APBB2: variants seen among roughly 807,000 people sequenced by gnomAD.
APBB2 encodes Fe65-like 1.
APBB2 carries 38 observed loss-of-function variants against 82.5 expected under a neutral mutation model. The observed-to-expected ratio is 0.46, with a 90% CI of 0.36 to 0.60. The LOEUF is 0.60. APBB2 is among the 20% of genes least tolerant of loss of function. The pLI, the probability that APBB2 is intolerant of heterozygous loss-of-function variation, is 0.00. For missense variants in APBB2, 772 were observed against 972.3 expected (o/e 0.79, Z 2.74); for synonymous variants, 341 against 368.2 (o/e 0.93, Z 0.85).
At chr4:41,071,729 T>C (rs368869221) in intron 3 of APBB2, among the ~76,000 whole-genome samples, 58 of 152,188 alleles carry the variant, frequency 3.8e-4, no homozygotes, top group African/African-American at 1.3e-3. Flanking sequence ...GAATAAGACA[T>C]TGAGAATGAT....
chr4:40,842,383 C>T (rs779559083), intron 12 of APBB2: 5 of 455,436 alleles, frequency 1.1e-5, no homozygotes, highest in Middle Eastern at 3.2e-4. Flanking sequence ...TCTCTGAATC[C>T]GGGAAGGCGT....
At chr4:40,836,431 T>A (rs1753967114) in intron 12 of APBB2, among the ~76,000 whole-genome samples, 2 of 152,144 alleles carry the variant, frequency 1.3e-5, no homozygotes, top group Non-Finnish European at 2.9e-5. Context: ...AGGCTGAGAT[T>A]CCACCACTGC....
chr4:41,197,115 A>T, intron 1 of APBB2, among the ~76,000 whole-genome samples: 2 of 152,002 alleles, frequency 1.3e-5, no homozygotes, highest in African/African-American at 4.8e-5. Flanking sequence ...ATGCCGGTTT[A>T]TTTTTTTTAT....
At chr4:41,166,588 G>GA (rs1271987932) in intron 1 of APBB2, among the ~76,000 whole-genome samples, 2 of 146,720 alleles carry the variant, frequency 1.4e-5, no homozygotes, top group South Asian at 2.1e-4. Context: ...AAAAAAAAAA[G>GA]AAAGAAAAGA....
intron 4 of APBB2, among the ~76,000 whole-genome samples, chr4:41,050,482 T>G (rs1725534928): frequency 6.6e-6 from 1 of 152,036 alleles, no homozygotes; most frequent in South Asian, 2.1e-4. Context: ...TTCCAGAGGG[T>G]TTTAAGGGGT....
chr4:40,884,306 T>G (rs948245480), intron 12 of APBB2, among the ~76,000 whole-genome samples: 1 of 152,216 alleles, frequency 6.6e-6, no homozygotes, highest in African/African-American at 2.4e-5. Flanking sequence ...ACCTTTTAAA[T>G]CTAAAAACCT....
intron 1 of APBB2, among the ~76,000 whole-genome samples, chr4:41,187,470 T>C (rs779636803): frequency 2.0e-5 from 3 of 152,174 alleles, no homozygotes; most frequent in Non-Finnish European, 4.4e-5. Flanking sequence ...AGATAGGAGA[T>C]AAATGAATTT....
Position 40,827,179 on chromosome 4 carries a change from C to G in APBB2, c.1685G>C (p.Ser562Thr). Residue 562 changes from serine to threonine, a missense_variant, in exon 14 of 18, where the codon AGC becomes ACC. Ser to Thr is a moderately conservative substitution (Grantham distance 58, BLOSUM62 1). Transcript: ENST00000508593. Reference protein sequence around the residue: ...ERKNAKALACSSLQERANVNL... With the variant: ...ERKNAKALACTSLQERANVNL... The stretch of plus-strand genomic sequence containing the variant: ...CACATTGGCCCTTTCCTGTAAGGAG[C>G]TGCAGGCCAGCGCTTTGGCATTCTT... 1 of 1,614,206 alleles carries G rather than the reference C, an allele frequency of 6.2e-7. No homozygotes were observed. The highest frequency in any genetic ancestry group is 8.5e-7 in the Non-Finnish European group (1 of 1,180,030).
At chr4:40,910,822 C>T (rs1778339452) in intron 10 of APBB2, among the ~76,000 whole-genome samples, 1 of 152,274 alleles carries the variant, frequency 6.6e-6, no homozygotes, top group South Asian at 2.1e-4. Context: ...CATTCATCGT[C>T]CTTAGTTTCC....
chr4:41,012,218 A>T (rs16852691), intron 6 of APBB2, among the ~76,000 whole-genome samples: 3,386 of 152,300 alleles, frequency 0.022, 130 homozygotes, highest in African/African-American at 0.078. Flanking sequence ...AGAGCAGCAG[A>T]AAGGGTGCCA....
At chr4:41,196,408 C>T in intron 1 of APBB2, among the ~76,000 whole-genome samples, 1 of 152,120 alleles carries the variant, frequency 6.6e-6, no homozygotes, top group Non-Finnish European at 1.5e-5. Flanking sequence ...ACATAGGTAA[C>T]CTTTGCCCAG....
At chr4:41,094,660 G>A (rs1247591167) in intron 3 of APBB2, among the ~76,000 whole-genome samples, 3 of 152,184 alleles carry the variant, frequency 2.0e-5, no homozygotes, top group Non-Finnish European at 2.9e-5. Flanking sequence ...TGTCTCCCGG[G>A]TTCAAGCGAT....
intron 1 of APBB2, among the ~76,000 whole-genome samples, chr4:41,155,772 G>A (rs970393919): frequency 6.6e-6 from 1 of 152,170 alleles, no homozygotes. Flanking sequence ...CAAAAAAGGA[G>A]CTATTCACCC....
chr4:40,893,275 A>G lies in APBB2; in HGVS notation c.1391T>C (p.Ile464Thr). The G allele has an allele frequency of 6.2e-7, 1 of 1,613,222 alleles. No individual in the cohort carries two copies. Among genetic ancestry groups the G allele is most frequent in the Non-Finnish European group, 8.5e-7 (1 of 1,179,706 alleles). The change falls in exon 11 of 18, where the codon ATT becomes ACT. Residue 464 changes from isoleucine (I) to threonine (T), a missense_variant. Physicochemically the swap from Ile to Thr is moderately conservative, Grantham distance 89. Coordinates refer to ENST00000508593, the MANE Select transcript of APBB2 (RefSeq NM_004307.2). The stretch of plus-strand genomic sequence containing the variant: ...CTACATGCCACTTACCTCTCCCCAA[A>G]TCCCGACTGTGTCTCGGATGTCATT... ...CKNDIRDTVG[I>T]WGEGKDMYLI...
chr4:41,093,617 G>A (rs1398593764), intron 3 of APBB2, among the ~76,000 whole-genome samples: 1 of 152,122 alleles, frequency 6.6e-6, no homozygotes, highest in East Asian at 1.9e-4. Flanking sequence ...ACTTTGGGAG[G>A]CCAAGGAGTG....
chr4:41,049,400 C>A (rs1235361923), intron 4 of APBB2, among the ~76,000 whole-genome samples: 1 of 141,764 alleles, frequency 7.1e-6, no homozygotes, highest in African/African-American at 2.6e-5. Flanking sequence ...AGCCAGCCCT[C>A]CCCTCCGGGA....
intron 12 of APBB2, among the ~76,000 whole-genome samples, chr4:40,884,452 G>A (rs1484631437): frequency 1.3e-5 from 2 of 152,126 alleles, no homozygotes; most frequent in Admixed American, 1.3e-4. Context: ...ATGAAAACAA[G>A]AACATAAAGT....
Position 41,197,836 on chromosome 4 carries a change from T to TGA in APBB2, c.-417+16567_-417+16568dup. ...CGAATAAGTCTCCCCCATTTGACTA[T>TGA]GAGCTCTATGTGGAAAAGAGCTCCA... On this transcript the variant is annotated intron_variant, in intron 1 of 17. Transcript: ENST00000508593. 4.1e-4 allele frequency among the ~76,000 whole-genome samples: 63 copies of TGA among 152,260 alleles called. 1 individual carries two copies. The highest frequency in any genetic ancestry group is 1.5e-3 in the African/African-American group (63 of 41,538).
intron 4 of APBB2, among the ~76,000 whole-genome samples, chr4:41,052,505 G>A (rs1378960682): frequency 6.6e-6 from 1 of 152,166 alleles, no homozygotes; most frequent in African/African-American, 2.4e-5. Flanking sequence ...AGCTCTCGTA[G>A]ACAAGATCAA....
Sources: allele counts gnomAD v4.1 joint callset (sites outside exome capture counted in the v4.1 genomes callset), GRCh38; gene constraint gnomAD v4.1.1; transcripts MANE v1.5; gene names NCBI Gene and HGNC (gene_info 2026-07-23, HGNC 2026-07-21).